Variants in GSN observed in about 807,000 individuals in gnomAD.
GSN encodes actin-depolymerizing factor.
Under a neutral mutation model 85.7 loss-of-function variants are expected in GSN, and 56 were observed. The observed-to-expected ratio is 0.65, with a 90% CI of 0.53 to 0.82. GSN has a LOEUF of 0.82. Ranked by LOEUF, GSN falls within the 40% of genes least tolerant of loss-of-function variation. The pLI, the probability that GSN is intolerant of heterozygous loss-of-function variation, is 0.00. For missense variants in GSN, 857 were observed against 979.8 expected (o/e 0.87, Z 1.67); for synonymous variants, 373 against 399.1 (o/e 0.93, Z 0.78).
intron 13 of GSN, chr9:121,327,030 AG>A (rs911705135): frequency 1.5e-6 from 1 of 660,874 alleles, no homozygotes; most frequent in South Asian, 1.6e-5. Flanking sequence ...AGCAGCCTAG[AG>A]GGGAATGGGA....
Position 121,299,503 on chromosome 9 carries a change from A to AT in GSN, c.-9-2453dup. The AT allele has an allele frequency of 1.9e-5, 19 of 982,984 alleles. No homozygotes were observed. Among genetic ancestry groups the AT allele is most frequent in the Non-Finnish European group, 2.2e-5 (18 of 827,750 alleles). 60.9% of individuals were successfully genotyped at this position (982,984 alleles called of 1,614,324 possible). A position where few individuals can be genotyped will look rare whatever the true frequency, so the allele number is the denominator to read the frequency against. On this transcript the variant is annotated intron_variant, in intron 2 of 17. Coordinates refer to ENST00000432226, the MANE Select transcript of GSN (RefSeq NM_198252.3). This position sits in a 1 kb window ranked among gnomAD's most constrained non-coding sequence, Gnocchi z 4.2. ...CTTTCAAAAATTGTTAGTTCATGTT[A>AT]TTTTTTTGCTGGAGGTGTTAGGTGC...
chr9:121,321,824 C>T (rs943606448), intron 11 of GSN, among the ~76,000 whole-genome samples: 2 of 152,106 alleles, frequency 1.3e-5, no homozygotes, highest in African/African-American at 2.4e-5. Context: ...TCACTGCAAC[C>T]TCTGCCTCCC....
chr9:121,324,803 G>A (rs922595482), intron 12 of GSN, among the ~76,000 whole-genome samples, 159 bp downstream of exon 12: 2 of 151,328 alleles, frequency 1.3e-5, no homozygotes, highest in African/African-American at 4.9e-5. Flanking sequence ...CCATGGAACA[G>A]GTATTTATTT....
In GSN at chr9:121,299,718, T is replaced by C; in HGVS notation, c.-9-2245T>C. On this transcript the variant is annotated intron_variant, in intron 2 of 17. Coordinates refer to ENST00000432226, the MANE Select transcript of GSN (RefSeq NM_198252.3). This position sits in a 1 kb window ranked among gnomAD's most constrained non-coding sequence, Gnocchi z 4.2. The stretch of plus-strand genomic sequence containing the variant: ...GGGTCGATCCGGGTGGGAACCCAGA[T>C]GTCTCCAAGATCCGAGACAGATCCC... 1 of 1,006,252 alleles carries C rather than the reference T, an allele frequency of 9.9e-7. No individual in the cohort carries two copies. The highest frequency in any genetic ancestry group is 4.8e-5 in the Admixed American group (1 of 20,658). The allele number at this position is 1,006,252 out of a possible 1,614,324, so 62.3% of individuals were successfully genotyped here.
In GSN at chr9:121,318,934, T is replaced by G; in HGVS notation, c.1191+54T>G. The G allele has an allele frequency of 7.4e-7, 1 of 1,353,418 alleles. No individual in the cohort carries two copies. Among genetic ancestry groups the G allele is most frequent in the Non-Finnish European group, 1.1e-6 (1 of 944,602 alleles). 83.8% of individuals were successfully genotyped at this position (1,353,418 alleles called of 1,614,324 possible). On this transcript the variant is annotated intron_variant, in intron 10 of 17. Transcript: ENST00000432226. The surrounding 1 kb of genome is among the most constrained non-coding windows in gnomAD (Gnocchi z 4.3). ...CCAGGCCCCTCCCTCACTTTCCCCATGCACTGCCTCTTGCTTCCCCAAGGA... is the reference window on the plus strand; with the variant it reads ...CCAGGCCCCTCCCTCACTTTCCCCAGGCACTGCCTCTTGCTTCCCCAAGGA...
In GSN at chr9:121,299,850, G is replaced by T. The variant is rs1451910463; in HGVS notation, c.-9-2113G>T. On this transcript the variant is annotated intron_variant, in intron 2 of 17. Transcript: ENST00000432226. The surrounding 1 kb of genome is among the most constrained non-coding windows in gnomAD (Gnocchi z 4.2). Reference sequence around the variant, plus strand: ...GCGGCTGCCGACTGGGTCCCCTGCCGCTGTCGCCACCATGGCTCCGCACCG... The same window carrying T: ...GCGGCTGCCGACTGGGTCCCCTGCCTCTGTCGCCACCATGGCTCCGCACCG... 2 of 1,353,098 alleles carry T rather than the reference G, an allele frequency of 1.5e-6. No individual in the cohort carries two copies. The highest frequency in any genetic ancestry group is 1.6e-5 in the South Asian group (1 of 61,030). The allele number at this position is 1,353,098 out of a possible 1,614,324, so 83.8% of individuals were successfully genotyped here. A position where few individuals can be genotyped will look rare whatever the true frequency, so the allele number is the denominator to read the frequency against.
At chr9:121,221,024 G>A (rs1262813170) in intron 4 of GSN, among the ~76,000 whole-genome samples, 7 of 152,180 alleles carry the variant, frequency 4.6e-5, no homozygotes, top group African/African-American at 9.7e-5. Flanking sequence ...AACAGTGTAC[G>A]TAATAAAGAG....
At chr9:121,282,334 C>T in intron 2 of GSN, 6 of 568,590 alleles carry the variant, frequency 1.1e-5, no homozygotes, top group African/African-American at 1.9e-5. Flanking sequence ...TAGGGGGAAT[C>T]GCCCAGCTTC....
intron 7 of GSN, among the ~76,000 whole-genome samples, chr9:121,314,690 G>T (rs2061526597): frequency 6.6e-6 from 1 of 151,920 alleles, no homozygotes; most frequent in Non-Finnish European, 1.5e-5. Flanking sequence ...AATATAAAAA[G>T]AAAATAAAAG....
chr9:121,330,959 G>C (rs1186388547), intron 16 of GSN, among the ~76,000 whole-genome samples: 1 of 152,160 alleles, frequency 6.6e-6, no homozygotes, highest in Non-Finnish European at 1.5e-5. Context: ...ATGGTACCTG[G>C]TTGGCAATGT....
At chr9:121,257,387 G>A (rs1006507602) in intron 6 of GSN, among the ~76,000 whole-genome samples, 6 of 152,120 alleles carry the variant, frequency 3.9e-5, no homozygotes, top group African/African-American at 1.2e-4. Context: ...TGAGAAAATC[G>A]GGAATCAAAG....
At chr9:121,240,490 C>T (rs1361059033) in intron 5 of GSN, among the ~76,000 whole-genome samples, 1 of 152,326 alleles carries the variant, frequency 6.6e-6, no homozygotes, top group East Asian at 1.9e-4. Context: ...AATCAGGCCT[C>T]GGGAGAGGCA....
intron 1 of GSN, among the ~76,000 whole-genome samples, chr9:121,268,622 T>A (rs1457136881): frequency 6.6e-6 from 1 of 151,718 alleles, no homozygotes; most frequent in Non-Finnish European, 1.5e-5. Context: ...TGCTGGGGAG[T>A]CCACTCAGAG....
intron 4 of GSN, among the ~76,000 whole-genome samples, chr9:121,230,370 T>A (rs2054363653): frequency 6.6e-6 from 1 of 152,220 alleles, no homozygotes; most frequent in Non-Finnish European, 1.5e-5. Flanking sequence ...AATCCTATAG[T>A]GCAGAAAGGA....
chr9:121,214,502 G>A lies in GSN; in HGVS notation c.-528+3635G>A, dbSNP rs140335332. ...AATAAAACCCACAAAACAAGGCCTG[G>A]TTCATGGTAGTGTACAAAATATATT... On this transcript the variant is annotated intron_variant, in intron 4 of 24. Coordinates refer to the GSN transcript ENST00000373823. Among the ~76,000 whole-genome samples, 126 of 152,284 alleles carry A rather than the reference G, an allele frequency of 8.3e-4. 2 individuals carry two copies. In the East Asian group the frequency reaches 0.024, roughly 29 times the overall value.
At chr9:121,249,891 G>T (rs543862088) in intron 6 of GSN, among the ~76,000 whole-genome samples, 3 of 152,338 alleles carry the variant, frequency 2.0e-5, no homozygotes, top group African/African-American at 7.2e-5. Flanking sequence ...TTTGGCTGAT[G>T]ATTCAAGTGG....
intron 2 of GSN, among the ~76,000 whole-genome samples, chr9:121,300,976 G>C (rs903081336): frequency 6.6e-6 from 1 of 152,170 alleles, no homozygotes; most frequent in African/African-American, 2.4e-5. Context: ...TGTCTGCCAG[G>C]CCCCGTGCTG....
At chr9:121,314,198 T>C (rs954929451) in intron 7 of GSN, among the ~76,000 whole-genome samples, 175 bp downstream of exon 7, 2 of 152,236 alleles carry the variant, frequency 1.3e-5, no homozygotes, top group African/African-American at 4.8e-5. Context: ...TTTCCTGCAC[T>C]AAGAGCATGC....
chr9:121,282,547 T>C, intron 2 of GSN: 2 of 1,250,636 alleles, frequency 1.6e-6, no homozygotes, highest in South Asian at 4.0e-5. Context: ...TTCCCAAAGC[T>C]CAGGTGAAAG....
Sources: gnomAD v4.1 joint callset for allele counts (sites outside exome capture counted in the v4.1 genomes callset) on GRCh38, gnomAD v4.1.1 for gene constraint, Gnocchi (gnomAD v3.1) non-coding constraint, MANE v1.5 for transcripts, NCBI Gene and HGNC (gene_info 2026-07-23, HGNC 2026-07-21) for gene names.